Variants in FGL1 observed in about 807,000 individuals in gnomAD.
FGL1 encodes fibrinogen like 1, also known as fibrinogen-like protein 1.
A neutral mutation model predicts 43.7 loss-of-function variants in FGL1; 59 were observed. The ratio of observed to expected loss-of-function variants is 1.35; its 90% CI spans 1.10 to 1.68. FGL1 has a LOEUF of 1.68. Among genes scored for constraint, FGL1 ranks in the 40% most tolerant of loss-of-function variants. FGL1 has a pLI of 0.00. For missense variants in FGL1, 596 were observed against 373.0 expected (o/e 1.60, Z -4.92); for synonymous variants, 192 against 126.5 (o/e 1.52, Z -3.48).
In FGL1 at chr8:17,883,838, C is replaced by T. The variant is rs1037425582; in HGVS notation, c.63+1654G>A. On this transcript the variant is annotated intron_variant, in intron 2 of 7. Transcript: ENST00000427924. ...CTTCCTCTTCCCTTACGTTTCCTTT[C>T]TCAGAACCTCTCCCAGATATCTTTT... is the stretch of plus-strand genomic sequence containing the variant. 6.2e-5 allele frequency among the ~76,000 whole-genome samples: 9 copies of T among 145,936 alleles called. No homozygotes were observed. In the South Asian group the frequency reaches 1.9e-3, roughly 31 times the overall value.
chr8:17,873,915 T>C (rs74324690), intron 5 of FGL1, 104 bp downstream of exon 5: 20 of 678,474 alleles, frequency 2.9e-5, no homozygotes, highest in Admixed American at 1.5e-4. Context: ...CTGCAAATCA[T>C]AGCAATTATT....
At position 17,874,131 on chromosome 8, in the gene FGL1, G is replaced by A; in HGVS notation, c.405-15C>T. 1 of 1,602,226 alleles carries A rather than the reference G, an allele frequency of 6.2e-7. No homozygotes were observed. The highest frequency in any genetic ancestry group is 8.5e-7 in the Non-Finnish European group (1 of 1,171,808). ...CTTTCCATCCTCTAAAAAAGGTAAA[G>A]TGGAAGCCGATTAGAGCAAACTCCA... On this transcript the variant is annotated splice_polypyrimidine_tract_variant and intron_variant, in intron 4 of 7. Transcript: ENST00000427924.
intron 3 of FGL1, among the ~76,000 whole-genome samples, chr8:17,876,303 A>G (rs2053455397): frequency 6.6e-6 from 1 of 152,154 alleles, no homozygotes; most frequent in South Asian, 2.1e-4. Context: ...TTGTTTTGTT[A>G]CAGATAAAAT....
intron 1 of FGL1, among the ~76,000 whole-genome samples, chr8:17,894,696 A>C (rs1010256341): frequency 2.0e-5 from 3 of 146,844 alleles, no homozygotes; most frequent in Admixed American, 2.0e-4. Context: ...AAAAACCAAC[A>C]AACAAACGAC....
At chr8:17,881,444 A>G (rs1256577797) in intron 3 of FGL1, among the ~76,000 whole-genome samples, 1 of 151,648 alleles carries the variant, frequency 6.6e-6, no homozygotes, top group Non-Finnish European at 1.5e-5. Context: ...TGTGTCCATC[A>G]GTATTTAAAC....
chr8:17,882,340 A>C, intron 2 of FGL1, 161 bp from the exon 3 acceptor site: 1 of 568,676 alleles, frequency 1.8e-6, no homozygotes, highest in Non-Finnish European at 2.9e-6. Flanking sequence ...AATACTGCCT[A>C]CTATTTGAAG....
intron 1 of FGL1, among the ~76,000 whole-genome samples, chr8:17,890,425 T>C (rs930188602): frequency 6.6e-6 from 1 of 152,186 alleles, no homozygotes; most frequent in Non-Finnish European, 1.5e-5. Context: ...CTTTGGCATT[T>C]TTGGAAAACC....
Position 17,882,194 on chromosome 8 carries a change from A to G in FGL1, c.64-15T>C. On this transcript the variant is annotated splice_polypyrimidine_tract_variant and intron_variant, in intron 2 of 7. Transcript: ENST00000427924. The stretch of plus-strand genomic sequence containing the variant: ...TCCTCGAGCGCCTGCAAAACAGGTG[A>G]GATGAGATGAGTATGCACCTCATTT... 1.2e-6 allele frequency: 2 copies of G among 1,609,184 alleles called. No individual in the cohort carries two copies. The highest frequency in any genetic ancestry group is 1.7e-6 in the Non-Finnish European group (2 of 1,178,142).
chr8:17,866,737 G>A (rs1247000351), intron 7 of FGL1, among the ~76,000 whole-genome samples: 1 of 152,144 alleles, frequency 6.6e-6, no homozygotes, highest in Non-Finnish European at 1.5e-5. Flanking sequence ...CCAGTCAGCT[G>A]GATAAAGTAC....
At chr8:17,883,685 T>C (rs995599339) in intron 2 of FGL1, among the ~76,000 whole-genome samples, 2 of 146,016 alleles carry the variant, frequency 1.4e-5, no homozygotes, top group African/African-American at 5.0e-5. Context: ...ATAATATATA[T>C]ATATTTTTTA....
At chr8:17,882,756 A>ATATATTAAACAATATATAATATATAG (rs1563457533) in intron 2 of FGL1, 6 of 95,740 alleles carry the variant, frequency 6.3e-5, no homozygotes, top group East Asian at 2.5e-4. Context: ...AATATATATA[A>ATATATTAAACAATATATAATATATAG]TATATAATAT....
chr8:17,886,293 G>A (rs185163944), intron 1 of FGL1, among the ~76,000 whole-genome samples: 123 of 152,294 alleles, frequency 8.1e-4, no homozygotes, highest in African/African-American at 2.8e-3. Flanking sequence ...GAGTTAAGAA[G>A]GAGTTGGGGA....
intron 2 of FGL1, among the ~76,000 whole-genome samples, chr8:17,884,506 ACTT>A (rs2053599594): frequency 6.6e-6 from 1 of 152,028 alleles, no homozygotes; most frequent in Admixed American, 6.6e-5. Flanking sequence ...CTCTAGGATT[ACTT>A]CTTATTTGTT....
chr8:17,872,851 G>C (rs955411981), intron 5 of FGL1, among the ~76,000 whole-genome samples: 1 of 152,132 alleles, frequency 6.6e-6, no homozygotes, highest in Non-Finnish European at 1.5e-5. Context: ...AGTATATAGG[G>C]AGACATCCAG....
chr8:17,876,473 A>G (rs1367107398), intron 3 of FGL1, among the ~76,000 whole-genome samples: 10 of 152,198 alleles, frequency 6.6e-5, no homozygotes, highest in Admixed American at 3.9e-4. Context: ...CTTTATTCAT[A>G]TATTTATTTT....
At position 17,882,111 on chromosome 8, in the gene FGL1, G is replaced by T. The variant is rs2053545271; in HGVS notation, c.132C>A (p.Val44=). The T allele has an allele frequency of 1.2e-6, 2 of 1,613,852 alleles. No homozygotes were observed. The highest frequency in any genetic ancestry group is 1.1e-5 in the South Asian group (1 of 91,056). ...RAQVRLLETR[V]KQQQVKIKQL... is the part of the protein sequence containing the mutation. ...GCTTGATCTTGACCTGTTGCTGTTT[G>T]ACCCGGGTCTCAAGCAGGCGCACCT... is the stretch of plus-strand genomic sequence containing the variant. The change falls in exon 3 of 8, where the codon GTC becomes GTA. Residue 44 remains valine, a synonymous_variant. Transcript: ENST00000427924.
chr8:17,887,958 A>T (rs1333988850), intron 1 of FGL1, among the ~76,000 whole-genome samples: 1 of 152,136 alleles, frequency 6.6e-6, no homozygotes, highest in African/African-American at 2.4e-5. Flanking sequence ...TTATCTTAGT[A>T]AATATTTTTT....
In FGL1 at chr8:17,868,949, T is replaced by C. The variant is rs747017998; in HGVS notation, c.558A>G (p.Ala186=). 7.5e-6 allele frequency: 12 copies of C among 1,606,942 alleles called. No individual in the cohort carries two copies. In the African/African-American group the frequency reaches 1.5e-4, roughly 20 times the overall value. Residue 186 remains alanine (A), a synonymous_variant, in exon 6 of 8, where the codon GCA becomes GCG. Transcript: ENST00000427924. The part of the protein sequence containing the change: ...LADFEKNSRY[A]QYKNFKVGDE... Reference sequence around the variant, plus strand: ...CTCCAACTTTGAAATTCTTATATTGTGCATAACGGCTATTTTTTTCAAAAT... The same window carrying C: ...CTCCAACTTTGAAATTCTTATATTGCGCATAACGGCTATTTTTTTCAAAAT...
chr8:17,870,511 T>C (rs1027294242), intron 5 of FGL1, among the ~76,000 whole-genome samples: 6 of 152,184 alleles, frequency 3.9e-5, no homozygotes, highest in Admixed American at 6.5e-5. Flanking sequence ...AGCCAGACCA[T>C]GGAGGCACTG....
Sources: gnomAD v4.1 joint callset for allele counts (sites outside exome capture counted in the v4.1 genomes callset) on GRCh38, gnomAD v4.1.1 for gene constraint, MANE v1.5 for transcripts, NCBI Gene and HGNC (gene_info 2026-07-23, HGNC 2026-07-21) for gene names.